HS6ST3: variants seen among roughly 807,000 people sequenced by gnomAD.
The protein encoded by HS6ST3 is heparan sulfate 6-O-sulfotransferase 3, also known as heparan-sulfate 6-O-sulfotransferase 3.
Under a neutral mutation model 36.7 loss-of-function variants are expected in HS6ST3, and 12 were observed. The ratio of observed to expected loss-of-function variants is 0.33; its 90% CI spans 0.21 to 0.53. The LOEUF is 0.53. Ranked by LOEUF, HS6ST3 falls within the 20% of genes least tolerant of loss-of-function variation. HS6ST3 has a pLI of 0.95. For synonymous variants in HS6ST3, 240 were observed against 257.5 expected (o/e 0.93, Z 0.65); for missense variants, 584 against 640.9 (o/e 0.91, Z 0.96).
intron 1 of HS6ST3, among the ~76,000 whole-genome samples, chr13:96,256,558 A>G (rs1365167781): frequency 2.6e-5 from 4 of 152,234 alleles, no homozygotes; most frequent in African/African-American, 9.6e-5. Context: ...CTGGTAGTAC[A>G]TGCCTGGAGA....
intron 1 of HS6ST3, among the ~76,000 whole-genome samples, chr13:96,751,804 G>A (rs1384214344): frequency 6.6e-6 from 1 of 151,094 alleles, no homozygotes; most frequent in East Asian, 1.9e-4. Flanking sequence ...ATGTGTGTAT[G>A]TGTATATATA....
At chr13:96,409,633 C>T (rs1397407428) in intron 1 of HS6ST3, among the ~76,000 whole-genome samples, 1 of 152,178 alleles carries the variant, frequency 6.6e-6, no homozygotes, top group African/African-American at 2.4e-5. Flanking sequence ...TATATAGGAA[C>T]TTCTGTTTAT....
At chr13:96,269,830 T>G (rs1594738554) in intron 1 of HS6ST3, among the ~76,000 whole-genome samples, 3 of 152,106 alleles carry the variant, frequency 2.0e-5, no homozygotes, top group East Asian at 3.9e-4. Context: ...AGGTAATTGT[T>G]GGCAGTTCAT....
chr13:96,815,901 G>C (rs1278055619), intron 1 of HS6ST3, among the ~76,000 whole-genome samples: 2 of 152,176 alleles, frequency 1.3e-5, no homozygotes, highest in African/African-American at 4.8e-5. Flanking sequence ...TAAGAATCTG[G>C]AGGTTTCTAC....
At chr13:96,408,114 A>G (rs1178443571) in intron 1 of HS6ST3, among the ~76,000 whole-genome samples, 1 of 151,990 alleles carries the variant, frequency 6.6e-6, no homozygotes, top group Non-Finnish European at 1.5e-5. Flanking sequence ...TAATTTTTGC[A>G]TTTTTAGTAG....
intron 1 of HS6ST3, among the ~76,000 whole-genome samples, chr13:96,620,125 A>G (rs2056488782): frequency 6.6e-6 from 1 of 152,252 alleles, no homozygotes; most frequent in Non-Finnish European, 1.5e-5. Flanking sequence ...GGGGATGCCC[A>G]TGCATGACTT....
intron 1 of HS6ST3, among the ~76,000 whole-genome samples, chr13:96,431,567 A>G (rs2055615939): frequency 6.6e-6 from 1 of 152,196 alleles, no homozygotes; most frequent in African/African-American, 2.4e-5. Flanking sequence ...TTTCATTTTT[A>G]CATAATGCCA....
intron 1 of HS6ST3, among the ~76,000 whole-genome samples, chr13:96,254,487 ATATATATATATACACATACATACAC>A: frequency 5.4e-5 from 1 of 18,454 alleles, no homozygotes; most frequent in Non-Finnish European, 1.1e-4. Context: ...ATATATATAT[ATATATATATATACACATACATACAC>A]ACACACACTT....
Position 96,658,655 on chromosome 13 carries a change from T to A in HS6ST3, c.708-173835T>A, listed in dbSNP as rs1023816819. Among the ~76,000 whole-genome samples, 8 of 151,612 alleles carry A rather than the reference T, an allele frequency of 5.3e-5. No homozygotes were observed. In the East Asian group the frequency reaches 1.6e-3, roughly 30 times the overall value. ...ATGTTATGGATAAGGCTGTTATGAA[T>A]GTTTTTGTATGGCGGTTATATGAAC... On this transcript the variant is annotated intron_variant, in intron 1 of 1. Coordinates refer to ENST00000376705, the MANE Select transcript of HS6ST3 (RefSeq NM_153456.4).
In HS6ST3 at chr13:96,421,509, G is replaced by A. The variant is rs940249963; in HGVS notation, c.707+329940G>A. The stretch of plus-strand genomic sequence containing the variant: ...ACCAAGCTCCTCCTGAGCATGGTAG[G>A]TAGGTCTTTTATGATCTGACCTCTG... On this transcript the variant is annotated intron_variant, in intron 1 of 1. Coordinates refer to ENST00000376705, the MANE Select transcript of HS6ST3 (RefSeq NM_153456.4). 2.0e-5 allele frequency among the ~76,000 whole-genome samples: 3 copies of A among 152,260 alleles called. 1 individual carries two copies. The highest frequency in any genetic ancestry group is 1.3e-4 in the Admixed American group (2 of 15,300).
chr13:96,375,630 CTT>C (rs1202272774), intron 1 of HS6ST3, among the ~76,000 whole-genome samples: 1 of 152,126 alleles, frequency 6.6e-6, no homozygotes, highest in East Asian at 1.9e-4. Flanking sequence ...AATTATTTGT[CTT>C]TATTGCTTAT....
chr13:96,513,555 G>A (rs141565637), intron 1 of HS6ST3, among the ~76,000 whole-genome samples: 1 of 151,846 alleles, frequency 6.6e-6, no homozygotes, highest in African/African-American at 2.4e-5. Flanking sequence ...TCCACTTCTT[G>A]GCTGAGCTCT....
intron 1 of HS6ST3, among the ~76,000 whole-genome samples, chr13:96,380,251 T>G (rs1337116184): frequency 7.0e-6 from 1 of 143,004 alleles, no homozygotes; most frequent in Non-Finnish European, 1.5e-5. Context: ...CAGATACTAG[T>G]TTTAAGTTAG....
chr13:96,373,283 G>A (rs1423677036), intron 1 of HS6ST3, among the ~76,000 whole-genome samples: 1 of 152,090 alleles, frequency 6.6e-6, no homozygotes, highest in Non-Finnish European at 1.5e-5. Context: ...TTAGGGTGTG[G>A]ACACATCATT....
chr13:96,343,375 C>T (rs932696070), intron 1 of HS6ST3, among the ~76,000 whole-genome samples: 3 of 152,210 alleles, frequency 2.0e-5, no homozygotes, highest in South Asian at 2.1e-4. Context: ...AGCCTGCCCA[C>T]GTTCCTTGGC....
chr13:96,232,702 A>C (rs2054514621), intron 1 of HS6ST3, among the ~76,000 whole-genome samples: 1 of 152,188 alleles, frequency 6.6e-6, no homozygotes, highest in South Asian at 2.1e-4. Context: ...AGGTGCAACC[A>C]GGGAAGGGAA....
intron 1 of HS6ST3, among the ~76,000 whole-genome samples, chr13:96,135,810 G>A (rs1400060871): frequency 2.6e-5 from 4 of 152,096 alleles, no homozygotes; most frequent in South Asian, 4.1e-4. Flanking sequence ...TACAGGGATG[G>A]CTCAGTGGTA....
At chr13:96,827,920 A>G (rs543613860) in intron 1 of HS6ST3, among the ~76,000 whole-genome samples, 38 of 152,356 alleles carry the variant, frequency 2.5e-4, no homozygotes, top group African/African-American at 8.7e-4. Flanking sequence ...GTCCCAAAAT[A>G]GGACTAAAGC....
intron 1 of HS6ST3, among the ~76,000 whole-genome samples, chr13:96,375,732 A>G (rs936890617): frequency 5.3e-5 from 8 of 152,208 alleles, no homozygotes; most frequent in African/African-American, 1.9e-4. Flanking sequence ...TTGACCTTGA[A>G]TGAAAATGGA....
Sources: allele counts gnomAD v4.1 joint callset (sites outside exome capture counted in the v4.1 genomes callset), GRCh38; gene constraint gnomAD v4.1.1; transcripts MANE v1.5; gene names NCBI Gene and HGNC (gene_info 2026-07-23, HGNC 2026-07-21).